The following RCL1 variants were observed in gnomAD, a reference collection of about 807,000 sequenced individuals.
RCL1 encodes RNA 3'-terminal phosphate cyclase-like protein.
RCL1 carries 24 observed loss-of-function variants against 42.4 expected under a neutral mutation model. The observed-to-expected ratio is 0.57, with a 90% CI of 0.41 to 0.80. RCL1 has a LOEUF of 0.80. Among genes scored for constraint, RCL1 ranks in the 30% least tolerant of loss-of-function variants. The pLI, the probability that RCL1 is intolerant of heterozygous loss-of-function variation, is 0.00. For synonymous variants in RCL1, 228 were observed against 177.3 expected (o/e 1.29, Z -2.27); for missense variants, 578 against 467.9 (o/e 1.24, Z -2.17).
chr9:4,839,435 T>C (rs892146961), intron 5 of RCL1: 6 of 152,346 alleles, frequency 3.9e-5, no homozygotes, highest in African/African-American at 1.4e-4. Context: ...AAGGTGATAA[T>C]AGATGTGAAA....
chr9:4,817,790 C>G (rs1193039257), intron 1 of RCL1, among the ~76,000 whole-genome samples: 1 of 151,990 alleles, frequency 6.6e-6, no homozygotes, highest in Non-Finnish European at 1.5e-5. Context: ...AGCCACCACA[C>G]CCAGCTTTAT....
At chr9:4,811,267 C>A (rs1816164570) in intron 1 of RCL1, among the ~76,000 whole-genome samples, 1 of 150,262 alleles carries the variant, frequency 6.7e-6, no homozygotes, top group African/African-American at 2.4e-5. Context: ...AGAGCAAAAC[C>A]CTGTATCTTT....
chr9:4,832,830 A>G (rs1051620780), intron 3 of RCL1, among the ~76,000 whole-genome samples: 47 of 150,114 alleles, frequency 3.1e-4, no homozygotes, highest in African/African-American at 1.1e-3. Flanking sequence ...AAAAAAAAAA[A>G]GTAGGGTTCT....
At chr9:4,811,898 G>C (rs1816190909) in intron 1 of RCL1, among the ~76,000 whole-genome samples, 1 of 151,594 alleles carries the variant, frequency 6.6e-6, no homozygotes, top group Admixed American at 6.6e-5. Context: ...ATTCTAACTG[G>C]GGTGAGATGA....
intron 8 of RCL1, among the ~76,000 whole-genome samples, chr9:4,850,769 C>T (rs1471820066): frequency 6.6e-6 from 1 of 151,996 alleles, no homozygotes; most frequent in East Asian, 1.9e-4. Flanking sequence ...AGAATGGCAC[C>T]CTAGGTACAG....
chr9:4,837,549 C>T (rs1184147048), intron 5 of RCL1, among the ~76,000 whole-genome samples: 2 of 152,026 alleles, frequency 1.3e-5, no homozygotes, highest in Non-Finnish European at 1.5e-5. Flanking sequence ...AATGTGATTT[C>T]TGGCAGTGTG....
At chr9:4,808,405 T>G (rs564939112) in intron 1 of RCL1, among the ~76,000 whole-genome samples, 7 of 152,248 alleles carry the variant, frequency 4.6e-5, no homozygotes, top group African/African-American at 1.7e-4. Context: ...CCTCCTGGGC[T>G]CAAGTGATCC....
chr9:4,812,072 G>A (rs963775720), intron 1 of RCL1, among the ~76,000 whole-genome samples: 28 of 152,266 alleles, frequency 1.8e-4, no homozygotes, highest in African/African-American at 6.0e-4. Flanking sequence ...GTACTGGTGA[G>A]TTCCTTGTAT....
chr9:4,835,700 G>A (rs1275721544), intron 5 of RCL1, among the ~76,000 whole-genome samples: 7 of 152,242 alleles, frequency 4.6e-5, no homozygotes, highest in Non-Finnish European at 1.0e-4. Flanking sequence ...GAGTCAGAAA[G>A]ACGTGGGTGC....
chr9:4,835,843 G>C (rs1199338348), intron 5 of RCL1, among the ~76,000 whole-genome samples: 2 of 152,230 alleles, frequency 1.3e-5, no homozygotes, highest in Non-Finnish European at 2.9e-5. Context: ...TGCACAGTAG[G>C]AGGCACTGGT....
intron 8 of RCL1, among the ~76,000 whole-genome samples, chr9:4,850,751 G>A (rs1817715601): frequency 6.6e-6 from 1 of 151,994 alleles, no homozygotes; most frequent in Non-Finnish European, 1.5e-5. Context: ...GAGGAGATGA[G>A]GGCTGGAAGA....
chr9:4,833,429 T>C (rs1817017460), intron 4 of RCL1, among the ~76,000 whole-genome samples: 1 of 152,212 alleles, frequency 6.6e-6, no homozygotes, highest in South Asian at 2.1e-4. Context: ...TAGCTGACAG[T>C]GATGTTGCAC....
chr9:4,823,681 CT>C (rs894347311), intron 2 of RCL1, 62 bp downstream of exon 2: 29 of 1,156,804 alleles, frequency 2.5e-5, no homozygotes, highest in South Asian at 9.9e-5. Context: ...GTTTCTCACT[CT>C]TTTTTTTCTT....
At chr9:4,823,497 C>G (rs777231956) in intron 1 of RCL1, 51 bp from the exon 2 acceptor site, 13 of 1,412,358 alleles carry the variant, frequency 9.2e-6, no homozygotes, top group Admixed American at 1.8e-5. Context: ...GTTGACCTGA[C>G]ATGAGGACAG....
At chr9:4,836,562 G>A (rs1353309719) in intron 5 of RCL1, among the ~76,000 whole-genome samples, 1 of 151,596 alleles carries the variant, frequency 6.6e-6, no homozygotes, top group African/African-American at 2.4e-5. Flanking sequence ...AGGTGTTGGA[G>A]GCCGTAGAGC....
intron 1 of RCL1, among the ~76,000 whole-genome samples, chr9:4,794,435 G>A (rs1842881890): frequency 6.6e-6 from 1 of 152,200 alleles, no homozygotes; most frequent in Non-Finnish European, 1.5e-5. Flanking sequence ...AAGTTAGGGA[G>A]AGACCACAAA....
intron 1 of RCL1, among the ~76,000 whole-genome samples, chr9:4,813,812 G>A (rs1290647083): frequency 1.3e-5 from 2 of 152,170 alleles, no homozygotes; most frequent in Admixed American, 1.3e-4. Context: ...TGATAGACCG[G>A]ATTAAGAAAA....
intron 1 of RCL1, among the ~76,000 whole-genome samples, chr9:4,803,378 G>A (rs1843038558): frequency 6.6e-6 from 1 of 152,034 alleles, no homozygotes; most frequent in Non-Finnish European, 1.5e-5. Context: ...ATTTTTAGAA[G>A]GCAAAGAGAA....
At chr9:4,855,318 G>A (rs969074784) in intron 8 of RCL1, among the ~76,000 whole-genome samples, 3 of 151,318 alleles carry the variant, frequency 2.0e-5, no homozygotes, top group Admixed American at 2.0e-4. Flanking sequence ...CGCTGTGTGG[G>A]TGGTTACTCA....
Sources: allele counts gnomAD v4.1 joint callset (sites outside exome capture counted in the v4.1 genomes callset), GRCh38; gene constraint gnomAD v4.1.1; transcripts MANE v1.5; gene names NCBI Gene and HGNC (gene_info 2026-07-23, HGNC 2026-07-21).